HIVEP2: variants seen among roughly 807,000 people sequenced by gnomAD.
The protein encoded by HIVEP2 is transcription factor HIVEP2.
HIVEP2 carries 14 observed loss-of-function variants against 180.7 expected under a neutral mutation model. The ratio of observed to expected loss-of-function variants is 0.08; its 90% CI spans 0.05 to 0.12. The LOEUF (loss-of-function observed/expected upper bound fraction) is 0.12. Ranked by LOEUF, HIVEP2 falls within the 10% of genes least tolerant of loss-of-function variation. The pLI is 1.00. For synonymous variants in HIVEP2, 1,184 were observed against 1,136.4 expected (o/e 1.04, Z -0.84); for missense variants, 2,579 against 3,008.5 (o/e 0.86, Z 3.34).
intron 1 of HIVEP2, among the ~76,000 whole-genome samples, chr6:142,897,767 C>A (rs1482944527): frequency 6.6e-6 from 1 of 152,194 alleles, no homozygotes; most frequent in African/African-American, 2.4e-5. Flanking sequence ...ATCCATCAAA[C>A]TGTCTACATC....
At chr6:142,778,984 C>G (rs1167258723) in intron 3 of HIVEP2, among the ~76,000 whole-genome samples, 1 of 152,002 alleles carries the variant, frequency 6.6e-6, no homozygotes, top group Non-Finnish European at 1.5e-5. Flanking sequence ...ATAAAAAAAT[C>G]CATAATTTAA....
chr6:142,903,726 A>G (rs1777190732), intron 1 of HIVEP2, among the ~76,000 whole-genome samples: 1 of 152,204 alleles, frequency 6.6e-6, no homozygotes, highest in South Asian at 2.1e-4. Context: ...AATCACCACT[A>G]TGGTGGTGCT....
At chr6:142,873,242 T>C (rs1776341192) in intron 1 of HIVEP2, among the ~76,000 whole-genome samples, 2 of 152,190 alleles carry the variant, frequency 1.3e-5, no homozygotes, top group South Asian at 4.1e-4. Flanking sequence ...AAATCCTTTA[T>C]ATCTACTCAC....
chr6:142,867,218 T>C (rs1463266307), intron 1 of HIVEP2, among the ~76,000 whole-genome samples: 3 of 152,226 alleles, frequency 2.0e-5, no homozygotes, highest in Non-Finnish European at 4.4e-5. Context: ...AGTCTTTTTT[T>C]TTCTTTGCAT....
chr6:142,929,262 A>G (rs1230882508), intron 1 of HIVEP2, among the ~76,000 whole-genome samples: 1 of 152,188 alleles, frequency 6.6e-6, no homozygotes. Flanking sequence ...TCTCTGGTCT[A>G]TACCTAGTTG....
intron 1 of HIVEP2, among the ~76,000 whole-genome samples, chr6:142,853,391 T>C (rs1775740728): frequency 6.6e-6 from 1 of 152,156 alleles, no homozygotes; most frequent in African/African-American, 2.4e-5. Flanking sequence ...TTCTTCCGGC[T>C]CCCAGAATAG....
chr6:142,817,798 A>G (rs543719065), intron 2 of HIVEP2, among the ~76,000 whole-genome samples: 1 of 152,226 alleles, frequency 6.6e-6, no homozygotes, highest in South Asian at 2.1e-4. Flanking sequence ...GCAGGGGGAT[A>G]GCCTGAGGTC....
chr6:142,926,830 T>C (rs954085749), intron 1 of HIVEP2, among the ~76,000 whole-genome samples: 1 of 150,876 alleles, frequency 6.6e-6, no homozygotes, highest in Admixed American at 6.6e-5. Flanking sequence ...GGGCCGGCCC[T>C]GCGGCGGCCG....
chr6:142,825,009 T>A (rs1774839901), intron 2 of HIVEP2, among the ~76,000 whole-genome samples: 1 of 152,250 alleles, frequency 6.6e-6, no homozygotes. Context: ...TTCACATTTT[T>A]GCTCATGATC....
chr6:142,890,005 G>A (rs897197868), intron 1 of HIVEP2, among the ~76,000 whole-genome samples: 14 of 152,138 alleles, frequency 9.2e-5, no homozygotes, highest in African/African-American at 3.1e-4. Flanking sequence ...GACATCAATG[G>A]AGCACCCTTT....
chr6:142,879,444 G>T (rs1297824329), intron 1 of HIVEP2, among the ~76,000 whole-genome samples: 1 of 152,148 alleles, frequency 6.6e-6, no homozygotes, highest in Non-Finnish European at 1.5e-5. Context: ...TATTCTCTGA[G>T]CTCCCGTTAT....
rs1276452019 is a variant in HIVEP2, at chr6:142,751,857, C to T, written c.*1250G>A. ...CCCTAACACAGATGTTAACCCTGTT[C>T]CCATGTAAACCGGCTGACAGGAAGA... is the stretch of plus-strand genomic sequence containing the variant. On this transcript the variant is annotated 3_prime_UTR_variant, in exon 10 of 10. Coordinates refer to ENST00000367603, the MANE Select transcript of HIVEP2 (RefSeq NM_006734.4). 1 of 152,766 alleles carries T rather than the reference C, an allele frequency of 6.5e-6. No homozygotes were observed. Among genetic ancestry groups the T allele is most frequent in the Non-Finnish European group, 1.5e-5 (1 of 68,140 alleles). 9.5% of individuals were successfully genotyped at this position (152,766 alleles called of 1,614,324 possible).
chr6:142,811,459 T>A (rs1243040615), intron 2 of HIVEP2, among the ~76,000 whole-genome samples: 1 of 152,204 alleles, frequency 6.6e-6, no homozygotes, highest in African/African-American at 2.4e-5. Context: ...AACCCTATCA[T>A]TTTGTGCAAT....
At chr6:142,842,139 G>C (rs1775381949) in intron 1 of HIVEP2, among the ~76,000 whole-genome samples, 1 of 152,080 alleles carries the variant, frequency 6.6e-6, no homozygotes. Context: ...CAGCTGAATG[G>C]CTTCAGCTAG....
chr6:142,812,871 A>G (rs1232765040), intron 2 of HIVEP2, among the ~76,000 whole-genome samples: 1 of 152,212 alleles, frequency 6.6e-6, no homozygotes, highest in Non-Finnish European at 1.5e-5. Flanking sequence ...CAGATAATAC[A>G]TTATTGAAGA....
chr6:142,844,563 G>C (rs190706596), intron 1 of HIVEP2, among the ~76,000 whole-genome samples: 1 of 152,148 alleles, frequency 6.6e-6, no homozygotes, highest in African/African-American at 2.4e-5. Flanking sequence ...GTTACTGTCC[G>C]AGGTATGTTT....
chr6:142,937,004 G>A (rs976590630), intron 1 of HIVEP2, among the ~76,000 whole-genome samples: 8 of 152,110 alleles, frequency 5.3e-5, no homozygotes, highest in African/African-American at 9.7e-5. Context: ...AAGGCCCCAC[G>A]AGTAATCACT....
chr6:142,809,620 G>T (rs1278859302), intron 2 of HIVEP2, among the ~76,000 whole-genome samples: 1 of 147,140 alleles, frequency 6.8e-6, no homozygotes. Context: ...TTGAGATGGG[G>T]TCTCACTCTG....
At chr6:142,831,445 C>T (rs563286865) in intron 2 of HIVEP2, among the ~76,000 whole-genome samples, 3 of 152,122 alleles carry the variant, frequency 2.0e-5, no homozygotes, top group African/African-American at 4.8e-5. Flanking sequence ...GGGCCCAGCC[C>T]GACCCATCTC....
Sources: gnomAD v4.1 joint callset for allele counts (sites outside exome capture counted in the v4.1 genomes callset) on GRCh38, gnomAD v4.1.1 for gene constraint, MANE v1.5 for transcripts, NCBI Gene and HGNC (gene_info 2026-07-23, HGNC 2026-07-21) for gene names.